The following USP24 variants were observed in gnomAD, a reference collection of about 807,000 sequenced individuals.
USP24 encodes the protein ubiquitin specific peptidase 24.
In USP24, 97 loss-of-function variants were observed where a neutral mutation model predicts 361.6. The observed-to-expected ratio is 0.27, with a 90% CI of 0.23 to 0.32. The LOEUF is 0.32. Ranked by LOEUF, USP24 falls within the 10% of genes least tolerant of loss-of-function variation. The probability of loss-of-function intolerance (pLI) is 1.00; values close to 1 mark genes in which losing one functional copy is unlikely to be tolerated. For missense variants in USP24, 2,353 were observed against 3,165.6 expected (o/e 0.74, Z 6.16); for synonymous variants, 1,098 against 1,124.6 (o/e 0.98, Z 0.47).
chr1:55,153,640 A>G (rs1647326433), intron 16 of USP24, among the ~76,000 whole-genome samples: 1 of 152,200 alleles, frequency 6.6e-6, no homozygotes, highest in Non-Finnish European at 1.5e-5. Flanking sequence ...TGAAAATTAT[A>G]TAATAAAATT....
At chr1:55,147,398 G>GA (rs1202387994) in intron 18 of USP24, among the ~76,000 whole-genome samples, 1 of 151,614 alleles carries the variant, frequency 6.6e-6, no homozygotes, top group Admixed American at 6.6e-5. Context: ...CAATTGATTT[G>GA]AAAAACAAAA....
rs528895314 is a variant in USP24, at chr1:55,077,954, T to C, written c.7314+584A>G. On this transcript the variant is annotated intron_variant, in intron 61 of 67. Transcript: ENST00000294383. Reference sequence around the variant, plus strand: ...TGCCCAAGGTCATATAATTAGTAAATAGCAAAGAGAGGAACTTAATCTCCT... The same window carrying C: ...TGCCCAAGGTCATATAATTAGTAAACAGCAAAGAGAGGAACTTAATCTCCT... Among the ~76,000 whole-genome samples the C allele has an allele frequency of 2.3e-4, 35 of 152,272 alleles. No homozygotes were observed. The South Asian group carries it at 6.6e-3, about 29-fold the overall frequency.
At chr1:55,109,320 C>G (rs1164181370) in intron 39 of USP24, among the ~76,000 whole-genome samples, 1 of 152,234 alleles carries the variant, frequency 6.6e-6, no homozygotes, top group East Asian at 1.9e-4. Context: ...ATGAAAGCAT[C>G]TGCCACCATA....
intron 51 of USP24, among the ~76,000 whole-genome samples, chr1:55,094,542 T>A (rs941276301): frequency 3.3e-5 from 5 of 152,262 alleles, no homozygotes; most frequent in Admixed American, 6.5e-5. Flanking sequence ...TATAGTCATA[T>A]TTCTCACATG....
At chr1:55,188,275 C>T (rs537319472) in intron 1 of USP24, among the ~76,000 whole-genome samples, 15 of 151,998 alleles carry the variant, frequency 9.9e-5, no homozygotes, top group South Asian at 4.2e-4. Flanking sequence ...CTCAATGTAA[C>T]GCAAGACTAA....
At chr1:55,155,943 A>G (rs999372350) in intron 12 of USP24, among the ~76,000 whole-genome samples, 1 of 152,054 alleles carries the variant, frequency 6.6e-6, no homozygotes, top group African/African-American at 2.4e-5. Flanking sequence ...CTTCTCCAAC[A>G]TTCTCTTTTT....
Position 55,083,332 on chromosome 1 carries a change from C to T in USP24, c.6915G>A (p.Arg2305=). Residue 2305 remains arginine, a synonymous_variant, in exon 58 of 68, where the codon AGG becomes AGA. Transcript: ENST00000294383. ...QGIRAGDLLL[R]HSALRHMISF... ...TGATCATGTGCCGCAGAGCTGAATGCCTCAGAAGAAGATCTCCAGCCCTAA... is the reference window on the plus strand; with the variant it reads ...TGATCATGTGCCGCAGAGCTGAATGTCTCAGAAGAAGATCTCCAGCCCTAA... The T allele has an allele frequency of 6.2e-7, 1 of 1,613,696 alleles. No homozygotes were observed. Among genetic ancestry groups the T allele is most frequent in the Non-Finnish European group, 8.5e-7 (1 of 1,179,718 alleles).
At chr1:55,109,425 G>A (rs1570426949) in intron 39 of USP24, among the ~76,000 whole-genome samples, 1 of 152,220 alleles carries the variant, frequency 6.6e-6, no homozygotes, top group East Asian at 1.9e-4. Flanking sequence ...TGCTGGGAAA[G>A]AGATTTGCTT....
At chr1:55,095,107 AATAAGGG>A (rs1645466447) in intron 51 of USP24, 141 bp downstream of exon 51, 1 of 950,674 alleles carries the variant, frequency 1.1e-6, no homozygotes, top group Non-Finnish European at 1.5e-6. Flanking sequence ...ACCATGAAGC[AATAAGGG>A]ATTTATTTTC....
chr1:55,175,217 CTCTTTT>C (rs1649844570), intron 3 of USP24, among the ~76,000 whole-genome samples: 1 of 110,280 alleles, frequency 9.1e-6, no homozygotes, highest in Non-Finnish European at 1.8e-5. Context: ...TTTACTGGGT[CTCTTTT>C]TTTTTTTTTT....
chr1:55,072,979 T>A (rs1434961300), intron 64 of USP24, 118 bp from the exon 65 acceptor site: 2 of 1,001,000 alleles, frequency 2.0e-6, no homozygotes, highest in Non-Finnish European at 2.9e-6. Flanking sequence ...TTTGTGATTC[T>A]ACTTAAATGG....
At chr1:55,085,885 T>C in intron 56 of USP24, 57 bp downstream of exon 56, 3 of 1,550,490 alleles carry the variant, frequency 1.9e-6, no homozygotes, top group Non-Finnish European at 1.8e-6. Context: ...TTACCTGCAA[T>C]TTAAAACATT....
At chr1:55,132,777 C>T (rs1293087662) in intron 30 of USP24, 77 bp from the exon 31 acceptor site, 2 of 1,392,174 alleles carry the variant, frequency 1.4e-6, no homozygotes, top group African/African-American at 2.9e-5. Context: ...AGTACACGTC[C>T]TAATATTCTT....
chr1:55,188,225 G>A lies in USP24; in HGVS notation c.325-10093C>T, dbSNP rs1411875404. Among the ~76,000 whole-genome samples, 11 of 152,002 alleles carry A rather than the reference G, an allele frequency of 7.2e-5. 1 individual carries two copies. The East Asian group carries it at 1.9e-3, about 27-fold the overall frequency. On this transcript the variant is annotated intron_variant, in intron 1 of 67. Transcript: ENST00000294383. ...GACAACTGAATATACACAAGCAAAA[G>A]AATGAAATGACCCCACCTCAAGCCA...
chr1:55,177,925 T>C, intron 2 of USP24, 42 bp downstream of exon 2: 2 of 1,525,782 alleles, frequency 1.3e-6, no homozygotes, highest in Admixed American at 2.2e-5. Flanking sequence ...AGGCCTTCTA[T>C]GAAACAAATG....
In USP24 at chr1:55,068,758, G is replaced by T; in HGVS notation, c.*287C>A. 1 of 403,612 alleles carries T rather than the reference G, an allele frequency of 2.5e-6. No individual in the cohort carries two copies. The highest frequency in any genetic ancestry group is 4.4e-6 in the Non-Finnish European group (1 of 227,156). 25.0% of individuals were successfully genotyped at this position (403,612 alleles called of 1,614,324 possible). A position where few individuals can be genotyped will look rare whatever the true frequency, so the allele number is the denominator to read the frequency against. On this transcript the variant is annotated 3_prime_UTR_variant, in exon 68 of 68. Transcript: ENST00000294383. ...GTATGTTCGTGTAACAAAAAAGTCT[G>T]CCACTGGCTCTATTTCCGAAAATCT...
intron 1 of USP24, among the ~76,000 whole-genome samples, chr1:55,205,157 T>C (rs889224762): frequency 6.6e-6 from 1 of 152,116 alleles, no homozygotes; most frequent in Admixed American, 6.5e-5. Context: ...TTCCATTCCA[T>C]CCCTTTGGCC....
At chr1:55,105,059 T>G (rs1195942330) in intron 41 of USP24, among the ~76,000 whole-genome samples, 1 of 152,246 alleles carries the variant, frequency 6.6e-6, no homozygotes, top group Non-Finnish European at 1.5e-5. Context: ...AATGTTTCCT[T>G]TTTTAATCAA....
At chr1:55,195,427 C>T (rs1158418433) in intron 1 of USP24, among the ~76,000 whole-genome samples, 1 of 152,204 alleles carries the variant, frequency 6.6e-6, no homozygotes, top group Non-Finnish European at 1.5e-5. Flanking sequence ...TATTTTTACA[C>T]AGAATTCTCA....
Sources: allele counts gnomAD v4.1 joint callset (sites outside exome capture counted in the v4.1 genomes callset), GRCh38; gene constraint gnomAD v4.1.1; transcripts MANE v1.5; gene names NCBI Gene and HGNC (gene_info 2026-07-23, HGNC 2026-07-21).